The following ANKRD62 variants were observed in gnomAD, a reference collection of about 807,000 sequenced individuals.
The protein encoded by ANKRD62 is ankyrin repeat domain-containing protein 62.
A neutral mutation model predicts 98.8 loss-of-function variants in ANKRD62; 61 were observed. That is an observed-to-expected ratio of 0.62 (90% CI 0.50 to 0.76). The LOEUF is 0.76. Among genes scored for constraint, ANKRD62 ranks in the 30% least tolerant of loss-of-function variants. ANKRD62 has a pLI of 0.00. For missense variants in ANKRD62, 933 were observed against 1,082.9 expected, an observed-to-expected ratio of 0.86 and a Z score of 1.94; for synonymous variants, 341 against 367.9, an observed-to-expected ratio of 0.93 and a Z score of 0.84.
At chr18:12,119,363 T>C (rs77773452) in intron 10 of ANKRD62, among the ~76,000 whole-genome samples, 1 of 129,708 alleles carries the variant, frequency 7.7e-6, no homozygotes, top group East Asian at 2.2e-4. Context: ...TTTTTTTTTT[T>C]CTGAAACCAG....
At chr18:12,122,027 C>T (rs751295966) in intron 10 of ANKRD62, among the ~76,000 whole-genome samples, 4 of 152,282 alleles carry the variant, frequency 2.6e-5, no homozygotes, top group African/African-American at 4.8e-5. Context: ...GATCCTCTTA[C>T]GTGACTAAAA....
the ANKRD62 span, among the ~76,000 whole-genome samples, chr18:12,167,886 G>C: frequency 6.6e-6 from 1 of 152,186 alleles, no homozygotes; most frequent in African/African-American, 2.4e-5. Flanking sequence ...GGCCAGTCAT[G>C]ATGAGCATTT....
downstream of ANKRD62, among the ~76,000 whole-genome samples, chr18:12,133,973 T>C (rs1910042553): frequency 1.3e-5 from 2 of 152,158 alleles, no homozygotes; most frequent in South Asian, 4.1e-4. Context: ...CCCAAATAAT[T>C]TCCCACTTTA....
At chr18:12,114,078 C>A (rs1158448212) in intron 8 of ANKRD62, among the ~76,000 whole-genome samples, 2 of 152,090 alleles carry the variant, frequency 1.3e-5, no homozygotes, top group Admixed American at 1.3e-4. Flanking sequence ...CAAATGGGAG[C>A]TAAATGGTGA....
At chr18:12,170,962 T>TC in the ANKRD62 span, among the ~76,000 whole-genome samples, 3 of 150,352 alleles carry the variant, frequency 2.0e-5, no homozygotes, top group South Asian at 6.3e-4. Flanking sequence ...CCCCTGCTTT[T>TC]TTTTTTTTTT....
At chr18:12,158,898 G>A in the ANKRD62 span, among the ~76,000 whole-genome samples, 53 of 151,992 alleles carry the variant, frequency 3.5e-4, no homozygotes, top group Non-Finnish European at 1.3e-4. Context: ...GAGGTGCTTC[G>A]TTTGCCATTT....
intron 7 of ANKRD62, among the ~76,000 whole-genome samples, chr18:12,103,811 A>T (rs1412601022): frequency 6.6e-6 from 1 of 152,164 alleles, no homozygotes; most frequent in Non-Finnish European, 1.5e-5. Flanking sequence ...TTATTTCAAC[A>T]TAGGAAATCT....
the ANKRD62 span, among the ~76,000 whole-genome samples, chr18:12,137,308 T>C: frequency 6.6e-6 from 1 of 152,234 alleles, no homozygotes; most frequent in Non-Finnish European, 1.5e-5. Flanking sequence ...GAGATAATCA[T>C]GTGGTTTTTG....
chr18:12,126,510 A>T, intron 13 of ANKRD62, 127 bp downstream of exon 13: 3 of 987,004 alleles, frequency 3.0e-6, no homozygotes, highest in African/African-American at 3.3e-5. Context: ...GTTCTGCTAT[A>T]TCACCTTAGA....
In ANKRD62 at chr18:12,107,294, G is replaced by A; in HGVS notation, c.892-1G>A. ...TTCTCAGTATGAAACTTTCATTGAA[G>A]GTTGAAGAAAAAATGAAGAAATGCA... On this transcript the variant is annotated splice_acceptor_variant, in intron 7 of 13. Transcript: ENST00000587848. LOFTEE classifies it high-confidence loss of function. 2.7e-6 allele frequency: 4 copies of A among 1,485,334 alleles called. No homozygotes were observed. Among genetic ancestry groups the A allele is most frequent in the Non-Finnish European group, 1.8e-6 (2 of 1,125,322 alleles). 92.0% of individuals were successfully genotyped at this position (1,485,334 alleles called of 1,614,324 possible).
chr18:12,181,578 A>T, the ANKRD62 span, among the ~76,000 whole-genome samples: 1 of 152,230 alleles, frequency 6.6e-6, no homozygotes, highest in Non-Finnish European at 1.5e-5. Context: ...TTGATGATTT[A>T]TTAAATTGAC....
chr18:12,165,284 T>C, the ANKRD62 span, among the ~76,000 whole-genome samples: 877 of 152,182 alleles, frequency 5.8e-3, 4 homozygotes, highest in Non-Finnish European at 9.7e-3. Flanking sequence ...AATGTTATTA[T>C]TGATATGTAA....
chr18:12,138,618 G>A, the ANKRD62 span, among the ~76,000 whole-genome samples: 9 of 152,218 alleles, frequency 5.9e-5, no homozygotes, highest in South Asian at 2.1e-4. Context: ...TTTCTGTCTC[G>A]TTGATCTGTC....
chr18:12,136,973 A>G, the ANKRD62 span, among the ~76,000 whole-genome samples: 1 of 152,086 alleles, frequency 6.6e-6, no homozygotes, highest in East Asian at 1.9e-4. Context: ...TTTTCTAGAT[A>G]TACAATCATG....
intron 3 of ANKRD62, among the ~76,000 whole-genome samples, 167 bp from the exon 4 acceptor site, chr18:12,096,029 G>T (rs1909174267): frequency 6.6e-6 from 1 of 152,194 alleles, no homozygotes; most frequent in African/African-American, 2.4e-5. Context: ...GTATCTGAAA[G>T]GGAAGGAGCA....
the ANKRD62 span, among the ~76,000 whole-genome samples, chr18:12,150,498 C>T: frequency 1.3e-5 from 2 of 152,232 alleles, no homozygotes; most frequent in East Asian, 3.9e-4. Flanking sequence ...GACATATAAT[C>T]ATCAGATTTT....
chr18:12,131,819 T>G (rs1378449730), downstream of ANKRD62, among the ~76,000 whole-genome samples: 1 of 152,186 alleles, frequency 6.6e-6, no homozygotes, highest in South Asian at 2.1e-4. Flanking sequence ...TCTCTTTATC[T>G]TTATGCCAAA....
chr18:12,125,471 T>A lies in ANKRD62; in HGVS notation c.1650T>A (p.Thr550=), dbSNP rs1204456677. The change falls in exon 13 of 14, where the codon ACT becomes ACA. Residue 550 remains threonine (T), a synonymous_variant. Coordinates refer to ENST00000587848, the MANE Select transcript of ANKRD62 (RefSeq NM_001277333.2). Reference sequence around the variant, plus strand: ...TTTGTTTTATTTAGAATTTTCATACTCATGAAAGAGAAAGAGACCTGTGGC... The same window carrying A: ...TTTGTTTTATTTAGAATTTTCATACACATGAAAGAGAAAGAGACCTGTGGC... ...VRSNSNQNFH[T]HERERDLWQE... 6.9e-7 allele frequency: 1 copy of A among 1,457,388 alleles called. No individual in the cohort carries two copies. The highest frequency in any genetic ancestry group is 1.4e-5 in the African/African-American group (1 of 69,984). The allele number at this position is 1,457,388 out of a possible 1,614,324, so 90.3% of individuals were successfully genotyped here. A position where few individuals can be genotyped will look rare whatever the true frequency, so the allele number is the denominator to read the frequency against.
chr18:12,166,960 G>A, the ANKRD62 span, among the ~76,000 whole-genome samples: 2 of 151,580 alleles, frequency 1.3e-5, no homozygotes, highest in Non-Finnish European at 2.9e-5. Context: ...ACCTATGAGT[G>A]AGAACAGGTG....
Sources: gnomAD v4.1 joint callset for allele counts (sites outside exome capture counted in the v4.1 genomes callset) on GRCh38, gnomAD v4.1.1 for gene constraint, MANE v1.5 for transcripts, NCBI Gene and HGNC (gene_info 2026-07-23, HGNC 2026-07-21) for gene names.